ARHGEF4: variants seen among roughly 807,000 people sequenced by gnomAD.
ARHGEF4 encodes the protein Rho guanine nucleotide exchange factor 4, also known as APC-stimulated guanine nucleotide exchange factor 1.
ARHGEF4 carries 119 observed loss-of-function variants against 162.0 expected under a neutral mutation model. That is an observed-to-expected ratio of 0.73 (90% CI 0.63 to 0.86). The LOEUF is 0.86. Among genes scored for constraint, ARHGEF4 ranks in the 40% least tolerant of loss-of-function variants. The pLI is 0.00. For synonymous variants in ARHGEF4, 1,014 were observed against 979.9 expected (o/e 1.03, Z -0.65); for missense variants, 2,488 against 2,456.0 (o/e 1.01, Z -0.28).
intron 4 of ARHGEF4, among the ~76,000 whole-genome samples, chr2:130,981,551 C>T (rs1339327829): frequency 6.6e-6 from 1 of 150,390 alleles, no homozygotes; most frequent in Non-Finnish European, 1.5e-5. Flanking sequence ...CCCAGCTACT[C>T]AGGAGGCTGA....
At chr2:131,000,074 C>T (rs1687668543) in intron 4 of ARHGEF4, among the ~76,000 whole-genome samples, 1 of 152,158 alleles carries the variant, frequency 6.6e-6, no homozygotes, top group African/African-American at 2.4e-5. Context: ...TAGGAATTTC[C>T]ATAATAAAAT....
intron 1 of ARHGEF4, among the ~76,000 whole-genome samples, chr2:130,856,978 T>G (rs1326137790): frequency 6.6e-6 from 1 of 152,140 alleles, no homozygotes; most frequent in Non-Finnish European, 1.5e-5. Flanking sequence ...ATCCCAGCAC[T>G]TTGGGAGGCC....
chr2:130,964,695 G>C (rs1684890514), intron 4 of ARHGEF4, among the ~76,000 whole-genome samples: 1 of 152,222 alleles, frequency 6.6e-6, no homozygotes, highest in African/African-American at 2.4e-5. Flanking sequence ...AGGGTGGAAC[G>C]GATTGCGCCA....
chr2:130,884,867 C>T lies in ARHGEF4; in HGVS notation c.40-29119C>T, dbSNP rs545437305. On this transcript the variant is annotated intron_variant, in intron 1 of 13. Transcript: ENST00000409359. ...CAGTGATGATTACAAGCTGAGGACT[C>T]TTCAGGATCTGTGCTAACCAGGAAG... 9.2e-5 allele frequency among the ~76,000 whole-genome samples: 14 copies of T among 152,176 alleles called. No individual in the cohort carries two copies. In the South Asian group the frequency reaches 2.9e-3, roughly 32 times the overall value.
At chr2:131,044,232 G>T in intron 11 of ARHGEF4, 67 bp from the exon 12 acceptor site, 1 of 1,584,048 alleles carries the variant, frequency 6.3e-7, no homozygotes, top group African/African-American at 1.3e-5. Flanking sequence ...GGGAGAGGAG[G>T]TGGGAGCAGC....
intron 10 of ARHGEF4, among the ~76,000 whole-genome samples, chr2:131,043,001 C>T (rs1321001822): frequency 6.6e-6 from 1 of 152,078 alleles, no homozygotes; most frequent in Non-Finnish European, 1.5e-5. Context: ...ATGTGAGCCA[C>T]ATATGGAATC....
intron 1 of ARHGEF4, among the ~76,000 whole-genome samples, chr2:130,855,564 TC>T (rs889716599): frequency 4.6e-5 from 7 of 152,072 alleles, no homozygotes; most frequent in Non-Finnish European, 8.8e-5. Context: ...ACCAGGAAGC[TC>T]CCCTGAGCCT....
chr2:130,930,877 A>G, intron 2 of ARHGEF4, 75 bp from the exon 3 acceptor site: 1 of 1,423,784 alleles, frequency 7.0e-7, no homozygotes, highest in South Asian at 1.4e-5. Flanking sequence ...GGAACTAGGC[A>G]GAGGAAGGAC....
intron 5 of ARHGEF4, among the ~76,000 whole-genome samples, chr2:131,037,935 AAATG>A (rs1481364150): frequency 6.6e-6 from 1 of 152,194 alleles, no homozygotes; most frequent in African/African-American, 2.4e-5. Flanking sequence ...AGAACTTGGG[AAATG>A]AAGAGAAGAG....
At chr2:131,001,389 A>C (rs1687761073) in intron 4 of ARHGEF4, among the ~76,000 whole-genome samples, 1 of 151,938 alleles carries the variant, frequency 6.6e-6, no homozygotes, top group Non-Finnish European at 1.5e-5. Flanking sequence ...CATGTGATGC[A>C]AATGGGCAGT....
chr2:130,916,306 A>C lies in ARHGEF4; in HGVS notation c.2360A>C (p.Glu787Ala). 6.5e-7 allele frequency: 1 copy of C among 1,541,870 alleles called. No individual in the cohort carries two copies. Among genetic ancestry groups the C allele is most frequent in the Middle Eastern group, 2.2e-4 (1 of 4,540 alleles). The change falls in exon 2 of 14, where the codon GAG (glutamate) becomes GCG (alanine). Residue 787 changes from glutamate (E) to alanine (A), a missense_variant. By Grantham distance (107) the Glu-to-Ala change is moderately radical. Coordinates refer to ENST00000409359, the MANE Select transcript of ARHGEF4 (RefSeq NM_001367493.1). ...PPRGLRKGAQ[E>A]PGKRPTFSKV... ...CGCGGGCTCCGCAAGGGCGCGCAGG[A>C]GCCTGGGAAGCGCCCGACGTTTTCC...
At chr2:131,045,312 G>A (rs1487455738) in intron 12 of ARHGEF4, 57 bp from the exon 13 acceptor site, 4 of 1,494,728 alleles carry the variant, frequency 2.7e-6, no homozygotes, top group African/African-American at 1.4e-5. Flanking sequence ...GGTGTGCAGG[G>A]AACTGCACCT....
At chr2:130,874,458 C>T (rs1312402356) in intron 1 of ARHGEF4, among the ~76,000 whole-genome samples, 1 of 152,222 alleles carries the variant, frequency 6.6e-6, no homozygotes, top group Non-Finnish European at 1.5e-5. Flanking sequence ...GATCATGTCT[C>T]TGCACCTTTT....
chr2:130,904,406 G>C (rs367826393), intron 1 of ARHGEF4, among the ~76,000 whole-genome samples: 21 of 152,196 alleles, frequency 1.4e-4, no homozygotes, highest in East Asian at 1.2e-3. Context: ...CCCTGCTCTG[G>C]GGGGAGGGGA....
intron 5 of ARHGEF4, among the ~76,000 whole-genome samples, chr2:131,028,549 G>A (rs116644545): frequency 0.018 from 2,677 of 152,346 alleles, 69 homozygotes; most frequent in African/African-American, 0.059. Flanking sequence ...TGACAACTGC[G>A]TGCAAGTTGC....
rs1192545432 is a variant in ARHGEF4, at chr2:130,915,916, G to A, written c.1970G>A (p.Arg657His). The change falls in exon 2 of 14, where the codon CGT (arginine) becomes CAT (histidine). Residue 657 changes from arginine to histidine, a missense_variant. Physicochemically the swap from Arg to His is conservative, Grantham distance 29 (BLOSUM62 0). Coordinates refer to ENST00000409359, the MANE Select transcript of ARHGEF4 (RefSeq NM_001367493.1). The stretch of plus-strand genomic sequence containing the variant: ...GGGCCTGTTCCAGAAACACTGCCCC[G>A]TGACTTTCCTAAGGAAAGACCAGAA... Reference protein sequence around the residue: ...NAGPVPETLPRDFPKERPESP... With the variant: ...NAGPVPETLPHDFPKERPESP... 7 of 1,550,430 alleles carry A rather than the reference G, an allele frequency of 4.5e-6. No individual in the cohort carries two copies. Among genetic ancestry groups the A allele is most frequent in the Middle Eastern group, 3.3e-4 (2 of 6,014 alleles).
At chr2:131,021,527 C>T (rs1254914458) in intron 4 of ARHGEF4, among the ~76,000 whole-genome samples, 2 of 152,124 alleles carry the variant, frequency 1.3e-5, no homozygotes, top group Non-Finnish European at 2.9e-5. Flanking sequence ...CATAAAAACC[C>T]TAGAAGAAAA....
At chr2:131,002,337 G>C (rs1199947302) in intron 4 of ARHGEF4, among the ~76,000 whole-genome samples, 8 of 152,160 alleles carry the variant, frequency 5.3e-5, no homozygotes, top group Admixed American at 5.2e-4. Context: ...CAGCACTTTG[G>C]GAGGCCGAGG....
intron 4 of ARHGEF4, among the ~76,000 whole-genome samples, chr2:130,956,719 GA>G (rs2105176785): frequency 1.3e-5 from 2 of 150,862 alleles, no homozygotes; most frequent in East Asian, 3.9e-4. Context: ...CTATCACAAG[GA>G]CAAAAAACCA....
Sources: gnomAD v4.1 joint callset for allele counts (sites outside exome capture counted in the v4.1 genomes callset) on GRCh38, gnomAD v4.1.1 for gene constraint, MANE v1.5 for transcripts, NCBI Gene and HGNC (gene_info 2026-07-23, HGNC 2026-07-21) for gene names.